The following FANCA variants were observed in gnomAD, a reference collection of about 807,000 sequenced individuals.
FANCA encodes Fanconi anemia group A protein.
FANCA carries 236 observed loss-of-function variants against 194.3 expected under a neutral mutation model. The observed-to-expected ratio is 1.21, with a 90% CI of 1.09 to 1.35. The LOEUF (loss-of-function observed/expected upper bound fraction) is 1.35, where lower values mean the gene tolerates loss of function less well. Ranked by LOEUF, FANCA falls within the 40% of genes most tolerant of loss-of-function variation. The pLI is 0.00. For synonymous variants in FANCA, 1,014 were observed against 715.8 expected (o/e 1.42, Z -6.65); for missense variants, 2,628 against 1,813.9 (o/e 1.45, Z -8.15).
Position 89,795,278 on chromosome 16 carries a change from C to T in FANCA, c.1006+628G>A, listed in dbSNP as rs980069722. Among the ~76,000 whole-genome samples the T allele has an allele frequency of 8.7e-5, 11 of 127,042 alleles. No homozygotes were observed. In the Admixed American group the frequency reaches 8.7e-4, roughly 10 times the overall value. 83.3% of individuals were successfully genotyped at this position (127,042 alleles called of 152,430 possible). A position where few individuals can be genotyped will look rare whatever the true frequency, so the allele number is the denominator to read the frequency against. ...CCAACCTGGCAACAGAGCAAGACTCCATCTCCAATAAATAAATAAATAAAT... is the reference window on the plus strand; with the variant it reads ...CCAACCTGGCAACAGAGCAAGACTCTATCTCCAATAAATAAATAAATAAAT... On this transcript the variant is annotated intron_variant, in intron 11 of 42. Transcript: ENST00000389301.
chr16:89,781,263 C>G (rs960193085), intron 17 of FANCA, among the ~76,000 whole-genome samples: 2 of 144,008 alleles, frequency 1.4e-5, no homozygotes, highest in Non-Finnish European at 3.0e-5. Context: ...ACTCGGGAGG[C>G]TGAGGCAGGA....
intron 11 of FANCA, among the ~76,000 whole-genome samples, chr16:89,794,687 C>T (rs919072557): frequency 1.3e-5 from 2 of 152,208 alleles, no homozygotes; most frequent in Non-Finnish European, 2.9e-5. Context: ...TATCCCTCAT[C>T]TCCCACCAGT....
rs367970303 is a variant in FANCA, at chr16:89,739,155, C to T, written c.4145G>A (p.Arg1382Lys). The T allele has an allele frequency of 1.2e-6, 2 of 1,614,042 alleles. No homozygotes were observed. The highest frequency in any genetic ancestry group is 2.7e-5 in the African/African-American group (2 of 74,936). The change falls in exon 41 of 43, where the codon AGG becomes AAG. Residue 1382 changes from arginine to lysine, a missense_variant. Physicochemically the swap from Arg to Lys is conservative, Grantham distance 26. Transcript: ENST00000389301. ...TGCCTGACCCTTGAGCTCCAGGCTC[C>T]TGCCAGCTGGAGGTGAAACTGTGCT... ...DTSTVSPPAG[R>K]SLELKGQGNP...
intron 29 of FANCA, among the ~76,000 whole-genome samples, chr16:89,759,137 G>A (rs541337348): frequency 9.9e-5 from 15 of 151,412 alleles, no homozygotes; most frequent in South Asian, 6.2e-4. Flanking sequence ...TGGGTAACAC[G>A]GTGAAACCTC....
At chr16:89,751,338 A>C (rs1244020389) in intron 31 of FANCA, among the ~76,000 whole-genome samples, 1 of 152,156 alleles carries the variant, frequency 6.6e-6, no homozygotes, top group Non-Finnish European at 1.5e-5. Flanking sequence ...CGTCTCTACA[A>C]AAAATCAGCT....
intron 10 of FANCA, chr16:89,798,894 G>T: frequency 6.3e-7 from 1 of 1,585,236 alleles, no homozygotes; most frequent in Non-Finnish European, 8.5e-7. Context: ...ACAGTGAGTG[G>T]GACAAACATT....
rs1028731099 is a variant in FANCA at position 89,772,501 on chromosome 16, G to A, written c.2015-687C>T. 9.2e-5 allele frequency among the ~76,000 whole-genome samples: 14 copies of A among 151,870 alleles called. No individual in the cohort carries two copies. The South Asian group carries it at 2.5e-3, about 27-fold the overall frequency. On this transcript the variant is annotated intron_variant, in intron 22 of 42. Transcript: ENST00000389301. The stretch of plus-strand genomic sequence containing the variant: ...AGCCTGGGTGACAGAGCAAGACTCC[G>A]TCTCAAAAAAATATATATATATCAC...
chr16:89,804,316 C>G (rs2040558079), intron 7 of FANCA, among the ~76,000 whole-genome samples: 1 of 152,100 alleles, frequency 6.6e-6, no homozygotes, highest in South Asian at 2.1e-4. Flanking sequence ...CCAAATATCC[C>G]AGAGAGGATC....
In FANCA at chr16:89,758,645, C is replaced by A; in HGVS notation, c.2913G>T (p.Gly971=). 1 of 1,614,048 alleles carries A rather than the reference C, an allele frequency of 6.2e-7. No homozygotes were observed. Among genetic ancestry groups the A allele is most frequent in the South Asian group, 1.1e-5 (1 of 91,074 alleles). ...CAGCCTGCAGGTCTCCGTCACAGCCCCCTGAAGCCGAGGACTCAGGGAGAA... is the reference window on the plus strand; with the variant it reads ...CAGCCTGCAGGTCTCCGTCACAGCCACCTGAAGCCGAGGACTCAGGGAGAA... The part of the protein sequence containing the change: ...EHFLPESSAS[G]GCDGDLQAAC... The change falls in exon 30 of 43, where the codon GGG becomes GGT. Residue 971 remains glycine (G), a synonymous_variant. Coordinates refer to ENST00000389301, the MANE Select transcript of FANCA (RefSeq NM_000135.4).
At chr16:89,753,581 T>C (rs1331259510) in intron 30 of FANCA, among the ~76,000 whole-genome samples, 1 of 152,170 alleles carries the variant, frequency 6.6e-6, no homozygotes, top group Non-Finnish European at 1.5e-5. Context: ...CATCCTTTTG[T>C]GATAAAAACA....
rs759716091 is a variant in FANCA at position 89,810,689 on chromosome 16, T to G, written c.522+18A>C. Reference sequence around the variant, plus strand: ...TGCCTGGAACACTGGAGAGTCAGATTTGCAATCTCAAATTTACCTGTATTT... The same window carrying G: ...TGCCTGGAACACTGGAGAGTCAGATGTGCAATCTCAAATTTACCTGTATTT... On this transcript the variant is annotated intron_variant, in intron 5 of 42. Transcript: ENST00000389301. 6.7e-7 allele frequency: 1 copy of G among 1,498,636 alleles called. No individual in the cohort carries two copies. The highest frequency in any genetic ancestry group is 9.3e-7 in the Non-Finnish European group (1 of 1,075,486). The allele number at this position is 1,498,636 out of a possible 1,614,324, so 92.8% of individuals were successfully genotyped here. A position where few individuals can be genotyped will look rare whatever the true frequency, so the allele number is the denominator to read the frequency against.
intron 31 of FANCA, among the ~76,000 whole-genome samples, chr16:89,751,060 G>A (rs760437255): frequency 4.6e-5 from 7 of 152,050 alleles, no homozygotes; most frequent in East Asian, 1.9e-4. Flanking sequence ...CTTGACTAGT[G>A]TTTTGTATTT....
chr16:89,773,505 A>G, intron 21 of FANCA, 121 bp from the exon 22 acceptor site: 2 of 762,202 alleles, frequency 2.6e-6, no homozygotes, highest in Non-Finnish European at 4.5e-6. Flanking sequence ...TGTGTGGCAG[A>G]CGGAGGGACT....
At chr16:89,757,983 G>A (rs936377103) in intron 30 of FANCA, among the ~76,000 whole-genome samples, 1 of 152,138 alleles carries the variant, frequency 6.6e-6, no homozygotes, top group Admixed American at 6.5e-5. Flanking sequence ...AGCCTCCCAA[G>A]TAGCTGGGAT....
intron 6 of FANCA, among the ~76,000 whole-genome samples, chr16:89,805,952 A>G (rs2040625182): frequency 1.3e-5 from 2 of 150,696 alleles, no homozygotes; most frequent in South Asian, 4.2e-4. Flanking sequence ...TGCTCTTGTC[A>G]TCCAGGCTGG....
intron 3 of FANCA, among the ~76,000 whole-genome samples, chr16:89,812,763 G>A (rs1432019648): frequency 1.3e-5 from 2 of 151,010 alleles, no homozygotes; most frequent in Non-Finnish European, 3.0e-5. Context: ...GGCTGGTTGC[G>A]GTGGCTCATG....
chr16:89,786,342 C>T (rs1447763380), intron 14 of FANCA, among the ~76,000 whole-genome samples: 1 of 152,188 alleles, frequency 6.6e-6, no homozygotes, highest in Non-Finnish European at 1.5e-5. Flanking sequence ...CACCACCATG[C>T]CTGGCTAATT....
chr16:89,756,063 G>C (rs1281903625), intron 30 of FANCA, among the ~76,000 whole-genome samples: 1 of 152,058 alleles, frequency 6.6e-6, no homozygotes, highest in Non-Finnish European at 1.5e-5. Flanking sequence ...ACATAGAAAA[G>C]GTACGGTAAA....
intron 28 of FANCA, 70 bp from the exon 29 acceptor site, chr16:89,762,092 C>G (rs1413469257): frequency 7.9e-7 from 1 of 1,268,204 alleles, no homozygotes; most frequent in Non-Finnish European, 1.2e-6. Flanking sequence ...GTTTATAAAC[C>G]AGTTTGTCAT....
Sources: allele counts gnomAD v4.1 joint callset (sites outside exome capture counted in the v4.1 genomes callset), GRCh38; gene constraint gnomAD v4.1.1; transcripts MANE v1.5; gene names NCBI Gene and HGNC (gene_info 2026-07-23, HGNC 2026-07-21).